NAV3: variants seen among roughly 807,000 people sequenced by gnomAD.
The protein encoded by NAV3 is neuron navigator 3.
Under a neutral mutation model 244.7 loss-of-function variants are expected in NAV3, and 87 were observed. The observed-to-expected ratio is 0.36, with a 90% CI of 0.30 to 0.42. The LOEUF is 0.42. NAV3 is among the 20% of genes least tolerant of loss of function. The probability of loss-of-function intolerance (pLI) is 1.00; values close to 1 mark genes in which losing one functional copy is unlikely to be tolerated. For synonymous variants in NAV3, 1,126 were observed against 1,042.2 expected (o/e 1.08, Z -1.55); for missense variants, 2,663 against 2,893.3 (o/e 0.92, Z 1.83).
intron 12 of NAV3, among the ~76,000 whole-genome samples, chr12:78,100,898 T>C (rs934084625): frequency 2.0e-5 from 3 of 152,192 alleles, no homozygotes; most frequent in Non-Finnish European, 4.4e-5. Context: ...TATTGCTCTT[T>C]CCTGTAATGT....
chr12:77,903,878 A>G (rs955143056), intron 1 of NAV3, among the ~76,000 whole-genome samples: 17 of 152,250 alleles, frequency 1.1e-4, no homozygotes, highest in Non-Finnish European at 2.5e-4. Context: ...TATGCAGCCA[A>G]AAGACACATG....
intron 9 of NAV3, among the ~76,000 whole-genome samples, chr12:78,040,840 T>C (rs933351660): frequency 9.2e-5 from 14 of 152,340 alleles, no homozygotes; most frequent in African/African-American, 3.4e-4. Context: ...GGTTTAGTGC[T>C]TCTCCAATTT....
chr12:77,985,731 T>G (rs955111340), intron 5 of NAV3, among the ~76,000 whole-genome samples: 16 of 152,152 alleles, frequency 1.1e-4, no homozygotes, highest in African/African-American at 3.9e-4. Context: ...ATTCTTCCCT[T>G]TCTTTCAATT....
At position 78,027,697 on chromosome 12, in the gene NAV3, C is replaced by A. The variant is rs1395783718; in HGVS notation, c.2023+5835C>A. Among the ~76,000 whole-genome samples, 4 of 152,282 alleles carry A rather than the reference C, an allele frequency of 2.6e-5. No homozygotes were observed. In the East Asian group the frequency reaches 7.7e-4, roughly 29 times the overall value. ...GTCAGCCCCTTTAGCTGCTATGTAT[C>A]TTTTCCATGCACACCCACAAAGGGT... On this transcript the variant is annotated intron_variant, in intron 9 of 39. Coordinates refer to ENST00000397909, the MANE Select transcript of NAV3 (RefSeq NM_001024383.2).
At chr12:78,012,690 A>G (rs1434981625) in intron 8 of NAV3, among the ~76,000 whole-genome samples, 1 of 152,096 alleles carries the variant, frequency 6.6e-6, no homozygotes, top group African/African-American at 2.4e-5. Flanking sequence ...AGCTCTGCTA[A>G]TCTCCAGCCA....
At chr12:78,001,666 G>T (rs1209915481) in intron 7 of NAV3, among the ~76,000 whole-genome samples, 1 of 152,110 alleles carries the variant, frequency 6.6e-6, no homozygotes, top group Admixed American at 6.6e-5. Context: ...TGAAAAAATA[G>T]TGTGCTCGTT....
At chr12:78,174,240 T>A (rs1378319832) in intron 24 of NAV3, among the ~76,000 whole-genome samples, 4 of 151,866 alleles carry the variant, frequency 2.6e-5, no homozygotes, top group Non-Finnish European at 1.5e-5. Flanking sequence ...ATTTTCAGTT[T>A]GTTTTATTTT....
intron 37 of NAV3, 112 bp downstream of exon 37, chr12:78,199,643 C>A: frequency 2.7e-6 from 2 of 729,600 alleles, no homozygotes; most frequent in Non-Finnish European, 4.1e-6. Flanking sequence ...ATTCAAGCTT[C>A]CAAAGATTTA....
intron 2 of NAV3, among the ~76,000 whole-genome samples, chr12:77,694,921 G>A (rs1875224893): frequency 6.6e-6 from 1 of 152,114 alleles, no homozygotes; most frequent in Admixed American, 6.6e-5. Context: ...TAGGAACTCA[G>A]GGACACAGCA....
rs1374553702 is a variant in NAV3 at position 78,006,641 on chromosome 12, C to T, written c.1103C>T (p.Pro368Leu). Residue 368 changes from proline to leucine, a missense_variant, in exon 8 of 40, where the codon CCA becomes CTA. By Grantham distance (98) the Pro-to-Leu change is moderately conservative. Coordinates refer to ENST00000397909, the MANE Select transcript of NAV3 (RefSeq NM_001024383.2). ...ACACCATCTTCAGACAGACTGAAGCCACCTGTCTCAGAAGGGGTCAAAACT... is the reference window on the plus strand; with the variant it reads ...ACACCATCTTCAGACAGACTGAAGCTACCTGTCTCAGAAGGGGTCAAAACT... ...SPTPSSDRLK[P>L]PVSEGVKTAP... 1.9e-6 allele frequency: 3 copies of T among 1,614,128 alleles called. No individual in the cohort carries two copies. Among genetic ancestry groups the T allele is most frequent in the Non-Finnish European group, 2.5e-6 (3 of 1,180,030 alleles).
At chr12:77,993,309 G>C (rs958082885) in intron 5 of NAV3, among the ~76,000 whole-genome samples, 1 of 152,188 alleles carries the variant, frequency 6.6e-6, no homozygotes, top group African/African-American at 2.4e-5. Context: ...TCTTACTCTT[G>C]AATTGACAAG....
At chr12:77,865,342 C>T (rs1219056488) in intron 1 of NAV3, among the ~76,000 whole-genome samples, 2 of 149,838 alleles carry the variant, frequency 1.3e-5, no homozygotes, top group Non-Finnish European at 3.0e-5. Context: ...CCTTTACCCT[C>T]ATAATGTCTA....
intron 39 of NAV3, among the ~76,000 whole-genome samples, chr12:78,209,019 C>T (rs1241458000): frequency 6.6e-6 from 1 of 152,106 alleles, no homozygotes; most frequent in Non-Finnish European, 1.5e-5. Flanking sequence ...TTGAAGGAGA[C>T]ATTTGACTTT....
At chr12:78,044,271 T>C (rs1881379681) in intron 9 of NAV3, among the ~76,000 whole-genome samples, 1 of 152,142 alleles carries the variant, frequency 6.6e-6, no homozygotes, top group Non-Finnish European at 1.5e-5. Flanking sequence ...GAGGGCTCTG[T>C]TCTGTTTCAT....
chr12:78,007,724 CA>C (rs1874489686), intron 8 of NAV3, among the ~76,000 whole-genome samples: 1 of 152,186 alleles, frequency 6.6e-6, no homozygotes, highest in African/African-American at 2.4e-5. Flanking sequence ...CCAGATGCCA[CA>C]ACTTTCTCTT....
At chr12:77,632,826 A>G (rs147571917) in intron 2 of NAV3, among the ~76,000 whole-genome samples, 287 of 152,268 alleles carry the variant, frequency 1.9e-3, no homozygotes, top group African/African-American at 6.7e-3. Flanking sequence ...GGCAGGTATA[A>G]GCGTTTTTAG....
intron 7 of NAV3, among the ~76,000 whole-genome samples, chr12:78,002,354 C>T (rs1234242080): frequency 6.6e-6 from 1 of 152,150 alleles, no homozygotes; most frequent in Non-Finnish European, 1.5e-5. Flanking sequence ...TACATTGTAC[C>T]TGTTTACTCA....
At position 77,800,505 on chromosome 12, in the gene NAV3, A is replaced by G. The variant is rs570834952; in HGVS notation, c.73-139814A>G. On this transcript the variant is annotated intron_variant, in intron 2 of 8. Coordinates refer to the NAV3 transcript ENST00000550042. Reference sequence around the variant, plus strand: ...TTTTTGATAGTTACTAAATATTTGTAACTTCATTAGAGTCTTAGTTTTTTA... The same window carrying G: ...TTTTTGATAGTTACTAAATATTTGTGACTTCATTAGAGTCTTAGTTTTTTA... Among the ~76,000 whole-genome samples, 7 of 152,246 alleles carry G rather than the reference A, an allele frequency of 4.6e-5. No individual in the cohort carries two copies. The East Asian group carries it at 1.4e-3, about 29-fold the overall frequency.
At chr12:77,760,478 T>G (rs1404495447) in intron 2 of NAV3, among the ~76,000 whole-genome samples, 1 of 152,234 alleles carries the variant, frequency 6.6e-6, no homozygotes, top group Non-Finnish European at 1.5e-5. Flanking sequence ...TATTGTTTAG[T>G]GTCACTTGTA....
Sources: allele counts gnomAD v4.1 joint callset (sites outside exome capture counted in the v4.1 genomes callset), GRCh38; gene constraint gnomAD v4.1.1; transcripts MANE v1.5; gene names NCBI Gene and HGNC (gene_info 2026-07-23, HGNC 2026-07-21).